The following SAMHD1 variants were observed in gnomAD, a reference collection of about 807,000 sequenced individuals.
SAMHD1 encodes SAM and HD domain containing deoxynucleoside triphosphate triphosphohydrolase 1, also known as deoxynucleoside triphosphate triphosphohydrolase SAMHD1.
A neutral mutation model predicts 79.6 loss-of-function variants in SAMHD1; 54 were observed. The ratio of observed to expected loss-of-function variants is 0.68; its 90% CI spans 0.55 to 0.85. SAMHD1 has a LOEUF of 0.85. Among genes scored for constraint, SAMHD1 ranks in the 40% least tolerant of loss-of-function variants. The pLI is 0.00. For missense variants in SAMHD1, 663 were observed against 782.7 expected (o/e 0.85, Z 1.82); for synonymous variants, 260 against 264.1 (o/e 0.98, Z 0.15).
chr20:36,890,041 T>C (rs1316156498), downstream of SAMHD1: 1 of 152,250 alleles, frequency 6.6e-6, no homozygotes, highest in Non-Finnish European at 1.5e-5. Context: ...ATAAATACTG[T>C]AGCAGCGTCG....
intron 6 of SAMHD1, among the ~76,000 whole-genome samples, chr20:36,926,133 T>C (rs1380545981): frequency 1.3e-5 from 2 of 152,052 alleles, no homozygotes; most frequent in East Asian, 3.8e-4. Flanking sequence ...TACGATAATA[T>C]GCACGACAAC....
At chr20:36,930,917 G>T in intron 4 of SAMHD1, 42 bp from the exon 5 acceptor site, 1 of 1,355,044 alleles carries the variant, frequency 7.4e-7, no homozygotes, top group Non-Finnish European at 1.1e-6. Context: ...CTGTTTGCAA[G>T]AGGAGTGATA....
rs1386842681 is a variant in SAMHD1, at chr20:36,892,536, G to A, written c.*396C>T. ...CTGGGTGTGGTGGCACATGACTTTAGTCCCAGCTACTTGGGGGGCTGAGGC... is the reference window on the plus strand; with the variant it reads ...CTGGGTGTGGTGGCACATGACTTTAATCCCAGCTACTTGGGGGGCTGAGGC... On this transcript the variant is annotated 3_prime_UTR_variant, in exon 16 of 16. Coordinates refer to ENST00000646673, the MANE Select transcript of SAMHD1 (RefSeq NM_015474.4). 1 of 262,166 alleles carries A rather than the reference G, an allele frequency of 3.8e-6. No individual in the cohort carries two copies. The highest frequency in any genetic ancestry group is 5.1e-5 in the Admixed American group (1 of 19,796). 16.2% of individuals were successfully genotyped at this position (262,166 alleles called of 1,614,324 possible).
At chr20:36,894,011 T>A (rs1238752780) in intron 15 of SAMHD1, 1 of 398,284 alleles carries the variant, frequency 2.5e-6, no homozygotes, top group African/African-American at 2.1e-5. Context: ...CAGTGACTAT[T>A]CTGTGGTTCT....
In SAMHD1 at chr20:36,897,917, G is replaced by T; in HGVS notation, c.1651C>A (p.Arg551=). 1 of 1,614,080 alleles carries T rather than the reference G, an allele frequency of 6.2e-7. No homozygotes were observed. Among genetic ancestry groups the T allele is most frequent in the Non-Finnish European group, 8.5e-7 (1 of 1,180,018 alleles). ...LPEKFAEQLI[R]VYCKKVDRKS... ...CTGTCCACCTTCTTACAATATACTC[G>T]AATCAGCTGCTCTGCAAATTTCTCT... The change falls in exon 15 of 16, where the codon CGA becomes AGA. Residue 551 remains arginine (R), a synonymous_variant. Coordinates refer to ENST00000646673, the MANE Select transcript of SAMHD1 (RefSeq NM_015474.4).
Position 36,919,380 on chromosome 20 carries a change from G to A in SAMHD1, c.836C>T (p.Pro279Leu). 2 of 1,613,538 alleles carry A rather than the reference G, an allele frequency of 1.2e-6. No homozygotes were observed. Among genetic ancestry groups the A allele is most frequent in the Non-Finnish European group, 1.7e-6 (2 of 1,179,694 alleles). Residue 279 changes from proline to leucine, a missense_variant, in exon 7 of 16, where the codon CCT becomes CTT. Physicochemically the swap from Pro to Leu is moderately conservative, Grantham distance 98. Transcript: ENST00000646673. ...TAAACTTACCAATGAATCTTCGACA[G>A]GTGATTCAAGTGGTCCTACAATTTG... Reference protein sequence around the residue: ...KEQIVGPLESPVEDSLWPYKG... With the variant: ...KEQIVGPLESLVEDSLWPYKG...
chr20:36,913,158 G>A (rs1325644500), intron 9 of SAMHD1, among the ~76,000 whole-genome samples: 7 of 150,116 alleles, frequency 4.7e-5, no homozygotes, highest in Non-Finnish European at 8.9e-5. Flanking sequence ...CACCAAGCCC[G>A]GCTAATTTTT....
chr20:36,913,230 C>CTCA (rs2063456019), intron 9 of SAMHD1, among the ~76,000 whole-genome samples: 1 of 151,150 alleles, frequency 6.6e-6, no homozygotes, highest in South Asian at 2.1e-4. Flanking sequence ...ATCTCCTGAC[C>CTCA]TCATGATCTG....
At chr20:36,946,953 T>C (rs997323905) in intron 1 of SAMHD1, 149 bp from the exon 2 acceptor site, 6 of 556,738 alleles carry the variant, frequency 1.1e-5, no homozygotes, top group African/African-American at 1.9e-5. Context: ...TTTGATCTGC[T>C]ACTTGTAAAG....
rs71186095 is a variant in SAMHD1, at chr20:36,947,551, G to GGTGTGTGTGTGT, written c.209-759_209-748dup. On this transcript the variant is annotated intron_variant, in intron 1 of 15. Coordinates refer to ENST00000646673, the MANE Select transcript of SAMHD1 (RefSeq NM_015474.4). The stretch of plus-strand genomic sequence containing the variant: ...ACTCAATACTCTGATTTGGAAGAGG[G>GGTGTGTGTGTGT]GTGTGTGTGTGTGTGTGTGTGTGTG... Among the ~76,000 whole-genome samples, 172 of 75,758 alleles carry GGTGTGTGTGTGT rather than the reference G, an allele frequency of 2.3e-3. 3 individuals carry two copies. The highest frequency in any genetic ancestry group is 0.013 in the Middle Eastern group (2 of 158). The allele number at this position is 75,758 out of a possible 152,430, so 49.7% of individuals were successfully genotyped here. A position where few individuals can be genotyped will look rare whatever the true frequency, so the allele number is the denominator to read the frequency against.
At chr20:36,903,709 C>A (rs1404023540) in intron 13 of SAMHD1, among the ~76,000 whole-genome samples, 1 of 151,866 alleles carries the variant, frequency 6.6e-6, no homozygotes, top group Non-Finnish European at 1.5e-5. Flanking sequence ...ACCACCAAGC[C>A]CGGCTAATTT....
intron 1 of SAMHD1, among the ~76,000 whole-genome samples, chr20:36,949,597 A>G (rs1408594358): frequency 4.6e-5 from 7 of 151,624 alleles, no homozygotes; most frequent in Non-Finnish European, 1.0e-4. Context: ...TCTACTAAAA[A>G]TACAAAAAAA....
chr20:36,910,171 C>T (rs1025269683), intron 11 of SAMHD1, among the ~76,000 whole-genome samples: 2 of 149,056 alleles, frequency 1.3e-5, no homozygotes, highest in African/African-American at 2.5e-5. Flanking sequence ...TGTAGTGAGC[C>T]GAGATTGTGC....
Position 36,927,220 on chromosome 20 carries a change from G to A in SAMHD1, c.658C>T (p.Arg220Ter), listed in dbSNP as rs1335417539. Residue 220 changes from arginine (R) to a stop codon, truncating the protein, a stop_gained, in exon 6 of 16, where the codon CGA becomes TGA. Transcript: ENST00000646673. LOFTEE classifies it high-confidence loss of function. ...TCCGGGCGAGCAAGTGGAATAAATC[G>A]TCCATCAAACATGTGAGAAAATGGC... is the stretch of plus-strand genomic sequence containing the variant. ...HGPFSHMFDG[R>*]FIPLARPEVK... is the part of the protein sequence containing the mutation. 7.4e-6 allele frequency: 12 copies of A among 1,613,290 alleles called. No homozygotes were observed. Among genetic ancestry groups the A allele is most frequent in the South Asian group, 1.1e-5 (1 of 91,068 alleles).
intron 5 of SAMHD1, 68 bp from the exon 6 acceptor site, chr20:36,927,320 T>C (rs940861245): frequency 1.5e-6 from 2 of 1,291,682 alleles, no homozygotes; most frequent in East Asian, 2.4e-5. Context: ...TTTCCTTTTT[T>C]TTTTTTTTTT....
At chr20:36,932,862 T>C in intron 4 of SAMHD1, among the ~76,000 whole-genome samples, 1 of 152,222 alleles carries the variant, frequency 6.6e-6, no homozygotes, top group East Asian at 1.9e-4. Flanking sequence ...CCTACTAAAC[T>C]GTACACTTAA....
rs538090634 is a variant in SAMHD1, at chr20:36,936,986, C to T, written c.349-1797G>A. Among the ~76,000 whole-genome samples, 285 of 151,776 alleles carry T rather than the reference C, an allele frequency of 1.9e-3. 1 individual carries two copies. The highest frequency in any genetic ancestry group is 6.4e-3 in the African/African-American group (265 of 41,366). ...TGAAATCCCGTCTCTACTAAAAATA[C>T]AAAAATTAGCTGGGCGTGGTGGTGG... On this transcript the variant is annotated intron_variant, in intron 3 of 15. Coordinates refer to ENST00000646673, the MANE Select transcript of SAMHD1 (RefSeq NM_015474.4).
intron 15 of SAMHD1, chr20:36,893,854 G>A (rs1464559806): frequency 1.0e-5 from 4 of 398,388 alleles, no homozygotes; most frequent in African/African-American, 4.1e-5. Context: ...GAGCTACTCC[G>A]GTAAATTACA....
intron 2 of SAMHD1, among the ~76,000 whole-genome samples, chr20:36,942,653 CTT>C (rs73622041): frequency 2.0e-5 from 3 of 148,684 alleles, no homozygotes; most frequent in African/African-American, 2.5e-5. Context: ...TATCTAACTT[CTT>C]TTTTTTTTTG....
Sources: gnomAD v4.1 joint callset for allele counts (sites outside exome capture counted in the v4.1 genomes callset) on GRCh38, gnomAD v4.1.1 for gene constraint, MANE v1.5 for transcripts, NCBI Gene and HGNC (gene_info 2026-07-23, HGNC 2026-07-21) for gene names.